The following COL24A1 variants were observed in gnomAD, a reference collection of about 807,000 sequenced individuals.
The protein encoded by COL24A1 is collagen alpha-1(XXIV) chain.
A neutral mutation model predicts 253.9 loss-of-function variants in COL24A1; 224 were observed. The ratio of observed to expected loss-of-function variants is 0.88; its 90% CI spans 0.79 to 0.99. The LOEUF is 0.99. Ranked by LOEUF, COL24A1 falls within the 50% of genes least tolerant of loss-of-function variation. The pLI is 0.00. For missense variants in COL24A1, 2,131 were observed against 2,068.5 expected (o/e 1.03, Z -0.59); for synonymous variants, 685 against 673.7 (o/e 1.02, Z -0.26).
At chr1:85,801,595 T>C (rs527738506) in intron 47 of COL24A1, among the ~76,000 whole-genome samples, 1 of 152,348 alleles carries the variant, frequency 6.6e-6, no homozygotes, top group African/African-American at 2.4e-5. Context: ...GGCTTCCTAC[T>C]GTTGACAGTC....
chr1:86,062,671 C>CTAATCCCACTCACCCTTCTCATCT (rs1553121005), intron 8 of COL24A1, among the ~76,000 whole-genome samples: 3 of 152,120 alleles, frequency 2.0e-5, no homozygotes, highest in Non-Finnish European at 4.4e-5. Context: ...TCCCCAGGGA[C>CTAATCCCACTCACCCTTCTCATCT]TAATCCCACT....
intron 59 of COL24A1, among the ~76,000 whole-genome samples, chr1:85,732,298 A>C (rs567776750): frequency 2.0e-5 from 3 of 149,418 alleles, no homozygotes; most frequent in Non-Finnish European, 4.4e-5. Context: ...GGTGCAATCT[A>C]GGCTCACTGC....
chr1:85,938,772 G>C (rs542783900), intron 24 of COL24A1, among the ~76,000 whole-genome samples: 2 of 120,300 alleles, frequency 1.7e-5, no homozygotes, highest in South Asian at 3.8e-4. Flanking sequence ...TTGACCAAAG[G>C]TACATATACC....
intron 19 of COL24A1, among the ~76,000 whole-genome samples, chr1:85,989,372 C>T (rs1277471141): frequency 6.6e-6 from 1 of 152,070 alleles, no homozygotes; most frequent in Non-Finnish European, 1.5e-5. Context: ...TCCCTCCCCA[C>T]CACCACCACG....
chr1:85,841,602 A>C (rs1289999436), intron 41 of COL24A1, among the ~76,000 whole-genome samples: 1 of 152,086 alleles, frequency 6.6e-6, no homozygotes, highest in Non-Finnish European at 1.5e-5. Context: ...TTAATCTTTA[A>C]TATAAATGAG....
chr1:85,915,671 CAG>C (rs1293476040), intron 24 of COL24A1, among the ~76,000 whole-genome samples: 5 of 152,260 alleles, frequency 3.3e-5, no homozygotes, highest in African/African-American at 1.2e-4. Context: ...CTTTTTGAGA[CAG>C]AGTCTCGCTG....
chr1:85,916,585 C>G (rs1396409283), intron 24 of COL24A1, among the ~76,000 whole-genome samples: 2 of 152,098 alleles, frequency 1.3e-5, no homozygotes, highest in Non-Finnish European at 2.9e-5. Context: ...ACTCATGAAG[C>G]TGAGGTGTGA....
chr1:85,866,127 G>A (rs1378867610), intron 37 of COL24A1, among the ~76,000 whole-genome samples: 2 of 152,146 alleles, frequency 1.3e-5, no homozygotes, highest in African/African-American at 4.8e-5. Flanking sequence ...GGTGGGCATG[G>A]TGGTGGGTGC....
intron 43 of COL24A1, among the ~76,000 whole-genome samples, chr1:85,829,815 T>C (rs1160170623): frequency 6.6e-6 from 1 of 151,964 alleles, no homozygotes; most frequent in Non-Finnish European, 1.5e-5. Context: ...ATTCTAGTTA[T>C]ACATTCTTCT....
chr1:86,016,975 G>A (rs1471981959), intron 19 of COL24A1, among the ~76,000 whole-genome samples, 176 bp downstream of exon 19: 1 of 152,128 alleles, frequency 6.6e-6, no homozygotes, highest in Non-Finnish European at 1.5e-5. Flanking sequence ...GTTTCCCTAG[G>A]ATCCCTGTTG....
chr1:85,870,004 T>C (rs917453745), intron 35 of COL24A1, among the ~76,000 whole-genome samples: 1 of 151,942 alleles, frequency 6.6e-6, no homozygotes, highest in Non-Finnish European at 1.5e-5. Flanking sequence ...TGGAGGAAGA[T>C]CTACCAAGCA....
rs781026036 is a variant in COL24A1 at position 85,961,250 on chromosome 1, G to C, written c.2561C>G (p.Thr854Arg). 10 of 1,599,298 alleles carry C rather than the reference G, an allele frequency of 6.3e-6. No homozygotes were observed. Among genetic ancestry groups the C allele is most frequent in the Non-Finnish European group, 8.6e-6 (10 of 1,167,670 alleles). ...DQGNIGKIGE[T>R]GPVGLPGEVG... Reference sequence around the variant, plus strand: ...AATAAGAGCATAAAATAAGCTTACTGTTTCACCAATTTTTCCAATATTTCC... The same window carrying C: ...AATAAGAGCATAAAATAAGCTTACTCTTTCACCAATTTTTCCAATATTTCC... Residue 854 changes from threonine to arginine, a missense_variant and splice_region_variant, in exon 24 of 60, where the codon ACA becomes AGA. By Grantham distance (71) the Thr-to-Arg change is moderately conservative. Coordinates refer to ENST00000370571, the MANE Select transcript of COL24A1 (RefSeq NM_152890.7).
chr1:85,775,570 G>A, intron 53 of COL24A1, 104 bp downstream of exon 53: 1 of 916,490 alleles, frequency 1.1e-6, no homozygotes, highest in Non-Finnish European at 1.7e-6. Flanking sequence ...TATTCTACAA[G>A]TATCAGAGAC....
intron 31 of COL24A1, among the ~76,000 whole-genome samples, chr1:85,891,217 A>AT (rs138122213): frequency 0.055 from 7,003 of 127,032 alleles, 328 homozygotes; most frequent in East Asian, 0.16. Context: ...CGCCCGGCTA[A>AT]TTTTTTTTTT....
At position 85,776,436 on chromosome 1, in the gene COL24A1, A is replaced by G. The variant is rs140373504; in HGVS notation, c.4339-727T>C. Among the ~76,000 whole-genome samples the G allele has an allele frequency of 1.3e-3, 191 of 152,138 alleles. 1 individual carries two copies. The highest frequency in any genetic ancestry group is 6.8e-3 in the Middle Eastern group (2 of 292). On this transcript the variant is annotated intron_variant, in intron 52 of 59. Coordinates refer to ENST00000370571, the MANE Select transcript of COL24A1 (RefSeq NM_152890.7). ...ATTGCTGGGTGGACCTACTGCTTTTAAAATGTGTTAATATTTTCCTGTTCA... is the reference window on the plus strand; with the variant it reads ...ATTGCTGGGTGGACCTACTGCTTTTGAAATGTGTTAATATTTTCCTGTTCA...
intron 58 of COL24A1, among the ~76,000 whole-genome samples, chr1:85,737,043 C>T (rs1006413219): frequency 5.0e-4 from 76 of 152,200 alleles, no homozygotes; most frequent in Middle Eastern, 6.8e-3. Context: ...TTCAGCAAAA[C>T]TTCAGGTAAC....
At chr1:86,019,879 A>T (rs1697338659) in intron 18 of COL24A1, among the ~76,000 whole-genome samples, 2 of 152,064 alleles carry the variant, frequency 1.3e-5, no homozygotes, top group South Asian at 4.1e-4. Context: ...TTCTTTCAGG[A>T]AAAAAATACT....
chr1:85,990,356 G>T (rs560026597), intron 19 of COL24A1, among the ~76,000 whole-genome samples: 28 of 152,288 alleles, frequency 1.8e-4, no homozygotes, highest in African/African-American at 6.5e-4. Context: ...CGGCATGGAG[G>T]ATAGTTTCGG....
intron 47 of COL24A1, among the ~76,000 whole-genome samples, chr1:85,806,361 A>G (rs1026393445): frequency 1.3e-5 from 2 of 152,206 alleles, no homozygotes; most frequent in Non-Finnish European, 2.9e-5. Context: ...CCATAGTAAT[A>G]AGAATAATGT....
Sources: gnomAD v4.1 joint callset for allele counts (sites outside exome capture counted in the v4.1 genomes callset) on GRCh38, gnomAD v4.1.1 for gene constraint, MANE v1.5 for transcripts, NCBI Gene and HGNC (gene_info 2026-07-23, HGNC 2026-07-21) for gene names.